The following SHISA9 variants were observed in gnomAD, a reference collection of about 807,000 sequenced individuals.
SHISA9 encodes the protein protein shisa-9.
SHISA9 carries 13 observed loss-of-function variants against 38.0 expected under a neutral mutation model. That is an observed-to-expected ratio of 0.34 (90% CI 0.22 to 0.54). The LOEUF is 0.54. Ranked by LOEUF, SHISA9 falls within the 20% of genes least tolerant of loss-of-function variation. The probability of loss-of-function intolerance (pLI) is 0.91; values close to 1 mark genes in which losing one functional copy is unlikely to be tolerated. For missense variants in SHISA9, 538 were observed against 575.8 expected, an observed-to-expected ratio of 0.93 and a Z score of 0.67; for synonymous variants, 275 against 242.0, an observed-to-expected ratio of 1.14 and a Z score of -1.27.
rs150101615 is a variant in SHISA9, at chr16:13,159,533, T to G, written c.692-43861T>G. On this transcript the variant is annotated intron_variant, in intron 2 of 4. Coordinates refer to ENST00000558583, the MANE Select transcript of SHISA9 (RefSeq NM_001145204.3). ...GTAGTCTCGCTCTTTTGCCTAAAACTGGAGTAAAATTTCACTCAGCAGAGG... is the reference window on the plus strand; with the variant it reads ...GTAGTCTCGCTCTTTTGCCTAAAACGGGAGTAAAATTTCACTCAGCAGAGG... Among the ~76,000 whole-genome samples the G allele has an allele frequency of 7.2e-5, 11 of 152,358 alleles. No individual in the cohort carries two copies. The East Asian group carries it at 2.1e-3, about 29-fold the overall frequency.
chr16:13,151,171 A>G (rs1285208961), intron 2 of SHISA9, among the ~76,000 whole-genome samples: 1 of 151,934 alleles, frequency 6.6e-6, no homozygotes, highest in Non-Finnish European at 1.5e-5. Context: ...CAGGGGTGCA[A>G]TCTCACCTCA....
At chr16:13,536,324 AACTTTTCCTC>A in the SHISA9 span, among the ~76,000 whole-genome samples, 1 of 152,106 alleles carries the variant, frequency 6.6e-6, no homozygotes, top group African/African-American at 2.4e-5. Flanking sequence ...CTGCCTAAAT[AACTTTTCCTC>A]TACATATCCC....
the SHISA9 span, among the ~76,000 whole-genome samples, chr16:13,514,085 C>G: frequency 6.6e-6 from 1 of 152,118 alleles, no homozygotes; most frequent in Non-Finnish European, 1.5e-5. Flanking sequence ...ACCTCTGTCT[C>G]CTGGGTTCAA....
At chr16:12,925,154 G>A (rs1026475707) in intron 2 of SHISA9, among the ~76,000 whole-genome samples, 2 of 151,676 alleles carry the variant, frequency 1.3e-5, no homozygotes, top group Admixed American at 6.6e-5. Flanking sequence ...TGATAACACC[G>A]TGTGTGTGTG....
intron 2 of SHISA9, among the ~76,000 whole-genome samples, chr16:13,195,222 C>A (rs2050925696): frequency 6.6e-6 from 1 of 152,162 alleles, no homozygotes; most frequent in African/African-American, 2.4e-5. Flanking sequence ...GATAACAAAT[C>A]TATACAAGAT....
chr16:13,085,374 G>A (rs1364198240), intron 2 of SHISA9, among the ~76,000 whole-genome samples: 1 of 151,972 alleles, frequency 6.6e-6, no homozygotes, highest in African/African-American at 2.4e-5. Context: ...CTCCAACATA[G>A]ATATAGGTTC....
the SHISA9 span, among the ~76,000 whole-genome samples, chr16:13,288,464 G>GGA: frequency 6.6e-5 from 10 of 151,866 alleles, no homozygotes; most frequent in Middle Eastern, 3.4e-3. Context: ...AGAGAGGAAG[G>GGA]GAGAGAGAGA....
At chr16:12,983,472 GAGTCAGAGAGC>G (rs1039801636) in intron 2 of SHISA9, among the ~76,000 whole-genome samples, 4 of 152,120 alleles carry the variant, frequency 2.6e-5, no homozygotes, top group African/African-American at 9.7e-5. Context: ...TTCTTATGTG[GAGTCAGAGAGC>G]AGAGAGTGGT....
intron 2 of SHISA9, among the ~76,000 whole-genome samples, chr16:13,025,304 A>G (rs1293434171): frequency 6.6e-6 from 1 of 152,208 alleles, no homozygotes; most frequent in Admixed American, 6.5e-5. Context: ...TTAGACCTAC[A>G]AATTCTCAGG....
At chr16:13,370,524 G>A in the SHISA9 span, among the ~76,000 whole-genome samples, 3 of 152,116 alleles carry the variant, frequency 2.0e-5, no homozygotes, top group Admixed American at 6.6e-5. Flanking sequence ...AACCTGCACC[G>A]ACTTACGAAG....
At chr16:13,343,974 C>G in the SHISA9 span, among the ~76,000 whole-genome samples, 1 of 152,092 alleles carries the variant, frequency 6.6e-6, no homozygotes, top group Non-Finnish European at 1.5e-5. Flanking sequence ...TGTTATAGGA[C>G]AAAAGCAAAA....
chr16:13,357,698 G>A, the SHISA9 span, among the ~76,000 whole-genome samples: 1 of 152,062 alleles, frequency 6.6e-6, no homozygotes, highest in Admixed American at 6.5e-5. Context: ...CATAGGGTGG[G>A]GCCGTTTTAT....
chr16:13,317,484 G>A, the SHISA9 span, among the ~76,000 whole-genome samples: 5 of 151,936 alleles, frequency 3.3e-5, no homozygotes, highest in African/African-American at 1.2e-4. Context: ...TAAGTTTTAG[G>A]GTACATGTGC....
chr16:13,473,615 A>G, the SHISA9 span, among the ~76,000 whole-genome samples: 1 of 151,930 alleles, frequency 6.6e-6, no homozygotes, highest in Non-Finnish European at 1.5e-5. Flanking sequence ...CTCTTCATTA[A>G]GCTGTCAACT....
chr16:13,112,464 A>C (rs1032823944), intron 2 of SHISA9, among the ~76,000 whole-genome samples: 1 of 130,178 alleles, frequency 7.7e-6, no homozygotes, highest in Non-Finnish European at 1.6e-5. Flanking sequence ...AGCTTTACCA[A>C]GGTTTTATGC....
At chr16:13,254,541 G>C in the SHISA9 span, among the ~76,000 whole-genome samples, 1 of 152,234 alleles carries the variant, frequency 6.6e-6, no homozygotes, top group Non-Finnish European at 1.5e-5. Flanking sequence ...CTTGAGAATA[G>C]ACTGATTGCT....
At chr16:13,551,312 AACCTTCAGC>A in the SHISA9 span, among the ~76,000 whole-genome samples, 2 of 152,172 alleles carry the variant, frequency 1.3e-5, no homozygotes, top group African/African-American at 4.8e-5. Flanking sequence ...TTATATTCAC[AACCTTCAGC>A]ACATACACAA....
Position 13,235,575 on chromosome 16 carries a change from G to A in SHISA9, c.*166G>A. 1 of 874,570 alleles carries A rather than the reference G, an allele frequency of 1.1e-6. No individual in the cohort carries two copies. The highest frequency in any genetic ancestry group is 1.7e-6 in the Non-Finnish European group (1 of 591,950). The allele number at this position is 874,570 out of a possible 1,614,324, so 54.2% of individuals were successfully genotyped here. A position where few individuals can be genotyped will look rare whatever the true frequency, so the allele number is the denominator to read the frequency against. On this transcript the variant is annotated 3_prime_UTR_variant, in exon 5 of 5. Transcript: ENST00000558583. Reference sequence around the variant, plus strand: ...GGGACACAGAGTCGCGCTTTTCCTAGGTCATGCCTGTAACGTGTCGGCGGG... The same window carrying A: ...GGGACACAGAGTCGCGCTTTTCCTAAGTCATGCCTGTAACGTGTCGGCGGG...
intron 1 of SHISA9, among the ~76,000 whole-genome samples, chr16:12,904,872 A>G (rs1225411314): frequency 6.6e-6 from 1 of 151,946 alleles, no homozygotes; most frequent in African/African-American, 2.4e-5. Context: ...CATCTGTATT[A>G]TTATTTATTT....
Sources: allele counts gnomAD v4.1 joint callset (sites outside exome capture counted in the v4.1 genomes callset), GRCh38; gene constraint gnomAD v4.1.1; transcripts MANE v1.5; gene names NCBI Gene and HGNC (gene_info 2026-07-23, HGNC 2026-07-21).